PPP1R1B: variants seen among roughly 807,000 people sequenced by gnomAD.
PPP1R1B encodes protein phosphatase 1 regulatory subunit 1B.
A neutral mutation model predicts 28.2 loss-of-function variants in PPP1R1B; 13 were observed. The observed-to-expected ratio is 0.46, with a 90% CI of 0.30 to 0.73. The LOEUF is 0.73. Among genes scored for constraint, PPP1R1B ranks in the 30% least tolerant of loss-of-function variants. The pLI, the probability that PPP1R1B is intolerant of heterozygous loss-of-function variation, is 0.07. For missense variants in PPP1R1B, 236 were observed against 256.7 expected, an observed-to-expected ratio of 0.92 and a Z score of 0.55; for synonymous variants, 102 against 97.5, an observed-to-expected ratio of 1.05 and a Z score of -0.27.
chr17:39,627,825 C>T (rs1346798687), intron 1 of PPP1R1B, among the ~76,000 whole-genome samples: 2 of 152,150 alleles, frequency 1.3e-5, no homozygotes, highest in Non-Finnish European at 1.5e-5. Flanking sequence ...TAGGCTACCA[C>T]CGGGACCGCT....
chr17:39,634,233 C>T (rs2056900564), intron 5 of PPP1R1B, 147 bp downstream of exon 5: 1 of 993,192 alleles, frequency 1.0e-6, no homozygotes, highest in Non-Finnish European at 1.5e-6. Context: ...TGGGGTGCCC[C>T]GAACTCAGCC....
At position 39,627,254 on chromosome 17, in the gene PPP1R1B, A is replaced by C; in HGVS notation, c.-139A>C. The C allele has an allele frequency of 1.7e-5, 9 of 536,952 alleles. No homozygotes were observed. The highest frequency in any genetic ancestry group is 3.7e-5 in the East Asian group (1 of 26,790). 33.3% of individuals were successfully genotyped at this position (536,952 alleles called of 1,614,324 possible). On this transcript the variant is annotated 5_prime_UTR_variant, in exon 1 of 7. Transcript: ENST00000254079. ...CTCCCGCGCCCTCCCCTCGGCGGGC[A>C]CGGTATTTTTATCCGTGCGCGAACA...
chr17:39,630,151 T>A, intron 4 of PPP1R1B, 104 bp downstream of exon 4: 2 of 1,094,640 alleles, frequency 1.8e-6, no homozygotes, highest in Non-Finnish European at 2.7e-6. Context: ...TCGCCACACA[T>A]AGCCCGCTGT....
In PPP1R1B at chr17:39,629,241, C is replaced by T. The variant is rs2056858193; in HGVS notation, c.142+11C>T. On this transcript the variant is annotated intron_variant, in intron 2 of 6. Transcript: ENST00000254079. Reference sequence around the variant, plus strand: ...AGCACTCCTCACCAGGTAGGCCCCTCCCTGCCCACTTAGCCCTGGCCCCAC... The same window carrying T: ...AGCACTCCTCACCAGGTAGGCCCCTTCCTGCCCACTTAGCCCTGGCCCCAC... The T allele has an allele frequency of 6.2e-7, 1 of 1,612,364 alleles. No individual in the cohort carries two copies. The highest frequency in any genetic ancestry group is 8.5e-7 in the Non-Finnish European group (1 of 1,178,832).
At position 39,627,388 on chromosome 17, in the gene PPP1R1B, G is replaced by A; in HGVS notation, c.-5G>A. On this transcript the variant is annotated 5_prime_UTR_variant, in exon 1 of 7. Transcript: ENST00000254079. ...ACCCCAGCCCCACCGCCCACCCCGC[G>A]CGCCATGGACCCCAAGGACCGCAAG... 6.3e-7 allele frequency: 1 copy of A among 1,596,478 alleles called. No homozygotes were observed.
At chr17:39,635,484 C>A in intron 5 of PPP1R1B, 123 bp from the exon 6 acceptor site, 1 of 1,352,384 alleles carries the variant, frequency 7.4e-7, no homozygotes. Flanking sequence ...CCAGTTCTCT[C>A]TCCATGCTTC....
intron 1 of PPP1R1B, chr17:39,628,489 G>C: frequency 1.0e-6 from 1 of 985,504 alleles, no homozygotes; most frequent in Non-Finnish European, 1.2e-6. Flanking sequence ...ACGTAGCAAG[G>C]AGGGCAACTT....
chr17:39,631,762 G>A (rs1480842120), intron 4 of PPP1R1B, among the ~76,000 whole-genome samples: 1 of 152,188 alleles, frequency 6.6e-6, no homozygotes, highest in East Asian at 1.9e-4. Context: ...GAAAATGAAG[G>A]GTCAGAGCTG....
rs1489488266 is a variant in PPP1R1B, at chr17:39,635,915, C to T, written c.*50C>T. On this transcript the variant is annotated 3_prime_UTR_variant, in exon 7 of 7. Coordinates refer to ENST00000254079, the MANE Select transcript of PPP1R1B (RefSeq NM_032192.4). ...GGAAGTGGAGGGGACATCGCTGTTCCCCAGAAACCCACTCTATCCTCACCC... is the reference window on the plus strand; with the variant it reads ...GGAAGTGGAGGGGACATCGCTGTTCTCCAGAAACCCACTCTATCCTCACCC... 3 of 1,593,522 alleles carry T rather than the reference C, an allele frequency of 1.9e-6. No individual in the cohort carries two copies. The highest frequency in any genetic ancestry group is 1.7e-6 in the Non-Finnish European group (2 of 1,167,832).
In PPP1R1B at chr17:39,627,087, G is replaced by T. The variant is rs1567846405; in HGVS notation, c.-306G>T. 2.5e-6 allele frequency: 1 copy of T among 399,522 alleles called. No individual in the cohort carries two copies. Among genetic ancestry groups the T allele is most frequent in the African/African-American group, 2.1e-5 (1 of 47,060 alleles). 24.7% of individuals were successfully genotyped at this position (399,522 alleles called of 1,614,324 possible). ...CGAGACGCAGAGACACTCAGGAGGG[G>T]AGAGACACCGAGACGCAGAGACACC... On this transcript the variant is annotated 5_prime_UTR_variant, in exon 1 of 7. Transcript: ENST00000254079.
In PPP1R1B at chr17:39,630,358, C is replaced by T. The variant is rs187495255; in HGVS notation, c.241+311C>T. 381 of 393,460 alleles carry T rather than the reference C, an allele frequency of 9.7e-4. 1 individual carries two copies. The highest frequency in any genetic ancestry group is 4.8e-3 in the South Asian group (181 of 37,910). 24.4% of individuals were successfully genotyped at this position (393,460 alleles called of 1,614,324 possible). On this transcript the variant is annotated intron_variant, in intron 4 of 6. Coordinates refer to ENST00000254079, the MANE Select transcript of PPP1R1B (RefSeq NM_032192.4). The stretch of plus-strand genomic sequence containing the variant: ...GACTCCACCTGCAGCTCCTCTTCAC[C>T]AGCCTGTGGTGGACCACCTCCCACC...
intron 4 of PPP1R1B, chr17:39,633,033 T>C (rs1021674870): frequency 7.2e-5 from 11 of 152,948 alleles, no homozygotes; most frequent in Non-Finnish European, 1.6e-4. Context: ...ACCTCTGCCA[T>C]CCCCCAGAAC....
intron 4 of PPP1R1B, among the ~76,000 whole-genome samples, chr17:39,631,286 A>C (rs769796880): frequency 6.6e-6 from 1 of 152,336 alleles, no homozygotes; most frequent in African/African-American, 2.4e-5. Flanking sequence ...AAGATGTTTA[A>C]GCTTGGATTT....
chr17:39,630,293 T>C (rs2056868011), intron 4 of PPP1R1B: 1 of 499,604 alleles, frequency 2.0e-6, no homozygotes, highest in Non-Finnish European at 3.6e-6. Context: ...AGAAAAGAGA[T>C]GGCTGGCCTA....
chr17:39,631,779 G>A (rs2056879928), intron 4 of PPP1R1B, among the ~76,000 whole-genome samples: 1 of 152,222 alleles, frequency 6.6e-6, no homozygotes, highest in Non-Finnish European at 1.5e-5. Flanking sequence ...GCTGCAGCAA[G>A]TGGGCAGTGT....
chr17:39,629,427 G>C (rs913179484), intron 2 of PPP1R1B, 113 bp from the exon 3 acceptor site: 13 of 1,427,346 alleles, frequency 9.1e-6, no homozygotes, highest in Non-Finnish European at 1.3e-5. Context: ...CACTTTCCCT[G>C]TCCCCAGAGA....
At chr17:39,630,694 C>T (rs557577668) in intron 4 of PPP1R1B, among the ~76,000 whole-genome samples, 57 of 152,262 alleles carry the variant, frequency 3.7e-4, no homozygotes, top group South Asian at 8.3e-4. Context: ...GAGGCCAAGG[C>T]GGGAGGACTG....
intron 1 of PPP1R1B, chr17:39,628,838 C>T (rs2056855019): frequency 4.4e-6 from 2 of 457,242 alleles, no homozygotes; most frequent in Admixed American, 5.3e-5. Context: ...GAGGAAGGGC[C>T]TTGGTGGGAG....
chr17:39,627,331 GCA>G lies in PPP1R1B; in HGVS notation c.-59_-58del. ...CCCGCCGCCTGCGCGGGGGAGCCCA[GCA>G]CAGACCGCCGCCGGGACCCCGAGTC... On this transcript the variant is annotated 5_prime_UTR_variant, in exon 1 of 7. Coordinates refer to ENST00000254079, the MANE Select transcript of PPP1R1B (RefSeq NM_032192.4). 1 of 1,247,832 alleles carries G rather than the reference GCA, an allele frequency of 8.0e-7. No homozygotes were observed. Among genetic ancestry groups the G allele is most frequent in the Non-Finnish European group, 1.1e-6 (1 of 880,836 alleles). 77.3% of individuals were successfully genotyped at this position (1,247,832 alleles called of 1,614,324 possible).
Sources: gnomAD v4.1 joint callset for allele counts (sites outside exome capture counted in the v4.1 genomes callset) on GRCh38, gnomAD v4.1.1 for gene constraint, MANE v1.5 for transcripts, NCBI Gene and HGNC (gene_info 2026-07-23, HGNC 2026-07-21) for gene names.